DDX24: variants seen among roughly 807,000 people sequenced by gnomAD.
DDX24 encodes the protein DEAD-box helicase 24.
In DDX24, 24 loss-of-function variants were observed where a neutral mutation model predicts 68.9. That is an observed-to-expected ratio of 0.35 (90% CI 0.25 to 0.49). DDX24 has a LOEUF of 0.49. Among genes scored for constraint, DDX24 ranks in the 20% least tolerant of loss-of-function variants. DDX24 has a pLI of 0.99. For synonymous variants in DDX24, 395 were observed against 385.2 expected (o/e 1.03, Z -0.30); for missense variants, 989 against 1,039.0 (o/e 0.95, Z 0.66).
chr14:94,060,755 AAT>A (rs368309893), intron 4 of DDX24, 142 bp from the exon 5 acceptor site: 9 of 1,452,800 alleles, frequency 6.2e-6, no homozygotes, highest in African/African-American at 4.2e-5. Flanking sequence ...GCCCTCAACT[AAT>A]CTCCCTCATG....
At chr14:94,056,873 T>C (rs1885501355) in intron 6 of DDX24, 1 of 152,196 alleles carries the variant, frequency 6.6e-6, no homozygotes, top group Admixed American at 6.5e-5. Context: ...AGAAGTCTTC[T>C]ATGTTGATTG....
At chr14:94,077,525 G>T (rs904996308) in intron 2 of DDX24, among the ~76,000 whole-genome samples, 2 of 152,172 alleles carry the variant, frequency 1.3e-5, no homozygotes, top group East Asian at 3.8e-4. Context: ...GTAATTTTAG[G>T]GAAGCTGTCT....
At chr14:94,079,907 A>C (rs558099241) in intron 1 of DDX24, among the ~76,000 whole-genome samples, 160 bp from the exon 2 acceptor site, 1 of 152,196 alleles carries the variant, frequency 6.6e-6, no homozygotes, top group Non-Finnish European at 1.5e-5. Context: ...AGAATACCAC[A>C]GAACAGACAG....
In DDX24 at chr14:94,060,588, G is replaced by A. The variant is rs770024404; in HGVS notation, c.1423C>T (p.Arg475Trp). The change falls in exon 5 of 9, where the codon CGG becomes TGG. Residue 475 changes from arginine to tryptophan, a missense_variant. Around this residue, in one of 3 missense-constraint regions of DDX24, gnomAD observed 691 missense variants for 760.0 expected, o/e 0.91. Transcript: ENST00000621632. ...GCAAAATGGCCTTTCTCAACCATCC[G>A]GTCAGCCTCATCCACTACCAGGCAC... is the stretch of plus-strand genomic sequence containing the variant. ...LRCLVVDEAD[R>W]MVEKGHFAEL... is the part of the protein sequence containing the mutation. The A allele has an allele frequency of 8.7e-6, 14 of 1,613,710 alleles. No homozygotes were observed. The highest frequency in any genetic ancestry group is 6.7e-5 in the East Asian group (3 of 44,880).
intron 2 of DDX24, among the ~76,000 whole-genome samples, chr14:94,078,026 G>A (rs2141438043): frequency 6.7e-6 from 1 of 149,058 alleles, no homozygotes; most frequent in African/African-American, 2.5e-5. Flanking sequence ...TATTCGGGGG[G>A]GTAAAAAAAA....
chr14:94,075,095 T>G (rs530460212), intron 2 of DDX24, among the ~76,000 whole-genome samples: 1 of 152,212 alleles, frequency 6.6e-6, no homozygotes, highest in African/African-American at 2.4e-5. Context: ...ATTTGCTCTG[T>G]AATCAACAGA....
At chr14:94,077,000 T>A (rs941492549) in intron 2 of DDX24, among the ~76,000 whole-genome samples, 36 of 152,248 alleles carry the variant, frequency 2.4e-4, no homozygotes, top group African/African-American at 8.4e-4. Flanking sequence ...TTCCATTTAA[T>A]GAATAGTAAA....
rs1259983612 is a variant in DDX24, at chr14:94,079,202, T to C, written c.541A>G (p.Ile181Val). 3 of 1,614,206 alleles carry C rather than the reference T, an allele frequency of 1.9e-6. No homozygotes were observed. Among genetic ancestry groups the C allele is most frequent in the Non-Finnish European group, 2.5e-6 (3 of 1,180,034 alleles). Residue 181 changes from isoleucine to valine, a missense_variant, in exon 2 of 9, where the codon ATT (isoleucine) becomes GTT (valine). By Grantham distance (29) the Ile-to-Val change is conservative (BLOSUM62 3). Transcript: ENST00000621632. ...AKVPKKAKTW[I>V]PEVHDQKADV... ...GCTTTCTGATCATGAACTTCAGGAA[T>C]CCATGTCTTCGCTTTTTTGGGCACC...
chr14:94,070,221 G>C (rs552604985), intron 2 of DDX24, among the ~76,000 whole-genome samples: 104 of 151,508 alleles, frequency 6.9e-4, no homozygotes, highest in African/African-American at 2.4e-3. Flanking sequence ...CACCAACAGC[G>C]ACCAAGTGGA....
At chr14:94,068,385 A>G (rs539246395) in intron 2 of DDX24, among the ~76,000 whole-genome samples, 3 of 152,250 alleles carry the variant, frequency 2.0e-5, no homozygotes, top group Non-Finnish European at 4.4e-5. Flanking sequence ...AGACCTAAGA[A>G]ATGAGACAGA....
intron 1 of DDX24, among the ~76,000 whole-genome samples, chr14:94,080,263 T>C (rs1345835620): frequency 6.6e-6 from 1 of 152,220 alleles, no homozygotes; most frequent in African/African-American, 2.4e-5. Flanking sequence ...TCTCAAGCCT[T>C]GCCTGAGAGA....
intron 6 of DDX24, chr14:94,055,607 C>A: frequency 5.6e-6 from 1 of 179,766 alleles, no homozygotes; most frequent in Non-Finnish European, 1.2e-5. Context: ...TAATCAAGCA[C>A]AACAGTCTTC....
At position 94,060,216 on chromosome 14, in the gene DDX24, AGGAGATACTGTT is replaced by A; in HGVS notation, c.1783_1794del (p.Asn595_Ser598del). ...AGGAGCCCAGAGAGGCGTTTGATGC[AGGAGATACTGTT>A]GGCAAACACTAAGCTGCGGCCTGGA... On this transcript the variant is annotated inframe_deletion, in exon 5 of 9. Transcript: ENST00000621632. 6.2e-7 allele frequency: 1 copy of A among 1,614,200 alleles called. No individual in the cohort carries two copies. The highest frequency in any genetic ancestry group is 8.5e-7 in the Non-Finnish European group (1 of 1,180,032).
chr14:94,051,367 T>C lies in DDX24; in HGVS notation c.2404A>G (p.Thr802Ala), dbSNP rs765376866. 3.7e-6 allele frequency: 6 copies of C among 1,613,042 alleles called. No individual in the cohort carries two copies. The highest frequency in any genetic ancestry group is 5.1e-6 in the Non-Finnish European group (6 of 1,179,826). The change falls in exon 9 of 9, where the codon ACG becomes GCG. Residue 802 changes from threonine (T) to alanine (A), a missense_variant. Transcript: ENST00000621632. ...GGATACTTGGTTTTCTGGCTCTCCG[T>C]AAACAGTGGCTGGGACAGCAGGTGG... is the stretch of plus-strand genomic sequence containing the variant. ...LRHLLSQPLFTESQKTKYPTQ... is the reference protein window; with the variant it reads ...LRHLLSQPLFAESQKTKYPTQ...
Position 94,060,142 on chromosome 14 carries a change from C to T in DDX24, c.1869G>A (p.Gln623=). The part of the protein sequence containing the change: ...MPLTLHACMH[Q]KQRLRNLEQF... ...GCTCCAGGTTTCTGAGCCTCTGCTT[C>T]TGGTGCATACAGGCATGCAGGGTCA... is the stretch of plus-strand genomic sequence containing the variant. Residue 623 remains glutamine, a synonymous_variant, in exon 5 of 9, where the codon CAG becomes CAA. Coordinates refer to ENST00000621632, the MANE Select transcript of DDX24 (RefSeq NM_020414.4). The T allele has an allele frequency of 6.2e-7, 1 of 1,613,976 alleles. No individual in the cohort carries two copies. Among genetic ancestry groups the T allele is most frequent in the Admixed American group, 1.7e-5 (1 of 60,012 alleles).
intron 5 of DDX24, among the ~76,000 whole-genome samples, chr14:94,058,911 T>C (rs1386273343): frequency 6.6e-6 from 1 of 152,086 alleles, no homozygotes; most frequent in Non-Finnish European, 1.5e-5. Context: ...CATAAATGGG[T>C]CTTGCTGTGT....
At position 94,060,512 on chromosome 14, in the gene DDX24, T is replaced by C. The variant is rs1409279372; in HGVS notation, c.1499A>G (p.Lys500Arg). ...EMLNDSQYNPKRQTLVFSATL... is the reference protein window; with the variant it reads ...EMLNDSQYNPRRQTLVFSATL... ...GGCAGAAAAAACAAGCGTTTGTCTC[T>C]TTGGGTTGTATTGGGAGTCATTGAG... is the stretch of plus-strand genomic sequence containing the variant. The change falls in exon 5 of 9, where the codon AAG becomes AGG. Residue 500 changes from lysine (K) to arginine (R), a missense_variant. Lys to Arg is a conservative substitution (Grantham distance 26). Transcript: ENST00000621632. 6.2e-7 allele frequency: 1 copy of C among 1,614,184 alleles called. No individual in the cohort carries two copies. Among genetic ancestry groups the C allele is most frequent in the Non-Finnish European group, 8.5e-7 (1 of 1,180,040 alleles).
At chr14:94,059,273 C>G (rs570239475) in intron 5 of DDX24, among the ~76,000 whole-genome samples, 1 of 152,346 alleles carries the variant, frequency 6.6e-6, no homozygotes, top group African/African-American at 2.4e-5. Context: ...ACTTTCCAGG[C>G]CCTCATCTTG....
intron 7 of DDX24, chr14:94,053,507 C>T (rs1346610942): frequency 5.9e-6 from 1 of 169,408 alleles, no homozygotes; most frequent in Non-Finnish European, 1.3e-5. Flanking sequence ...CCGTGCCCAG[C>T]AAGTAGTGTT....
Sources: allele counts gnomAD v4.1 joint callset (sites outside exome capture counted in the v4.1 genomes callset), GRCh38; gene constraint gnomAD v4.1.1; regional missense constraint gnomAD v4.1.1; transcripts MANE v1.5; gene names NCBI Gene and HGNC (gene_info 2026-07-23, HGNC 2026-07-21).